The following RNF213 variants were observed in gnomAD, a reference collection of about 807,000 sequenced individuals.
RNF213 encodes E3 ubiquitin-protein ligase RNF213.
In RNF213, 341 loss-of-function variants were observed where a neutral mutation model predicts 514.4. That is an observed-to-expected ratio of 0.66 (90% CI 0.61 to 0.73). The LOEUF (loss-of-function observed/expected upper bound fraction) is 0.73, where lower values mean the gene tolerates loss of function less well. RNF213 is among the 30% of genes least tolerant of loss of function. The pLI, the probability that RNF213 is intolerant of heterozygous loss-of-function variation, is 0.00. For synonymous variants in RNF213, 2,655 were observed against 2,658.2 expected, an observed-to-expected ratio of 1.00 and a Z score of 0.04; for missense variants, 5,767 against 6,615.6, an observed-to-expected ratio of 0.87 and a Z score of 4.45.
intron 14 of RNF213, among the ~76,000 whole-genome samples, chr17:80,311,508 C>T (rs529978646): frequency 6.6e-6 from 1 of 152,238 alleles, no homozygotes; most frequent in Non-Finnish European, 1.5e-5. Flanking sequence ...GTGCTGTGCT[C>T]TAGTCACTCC....
chr17:80,390,513 C>T (rs1445869886), intron 67 of RNF213, among the ~76,000 whole-genome samples: 2 of 152,106 alleles, frequency 1.3e-5, no homozygotes, highest in African/African-American at 4.8e-5. Context: ...TCTCATGCCT[C>T]AGCTTCCCAA....
rs779119141 is a variant in RNF213, at chr17:80,346,331, C to G, written c.7996C>G (p.Leu2666Val). 6.2e-7 allele frequency: 1 copy of G among 1,613,942 alleles called. No homozygotes were observed. Among genetic ancestry groups the G allele is most frequent in the South Asian group, 1.1e-5 (1 of 91,076 alleles). The part of the protein sequence containing the change: ...AMLLAQLNAF[L>V]SKSSVSKNHT... ...GCTCTTAGCGCAGCTGAATGCCTTT[C>G]TCTCCAAGTCCAGCGTCAGCAAAAA... Residue 2666 changes from leucine to valine, a missense_variant, in exon 29 of 68, where the codon CTC becomes GTC. By Grantham distance (32) the Leu-to-Val change is conservative. Transcript: ENST00000582970. The surrounding 1 kb of genome is among the most constrained non-coding windows in gnomAD (Gnocchi z 8.1).
chr17:80,349,728 C>T, intron 29 of RNF213, 42 bp from the exon 30 acceptor site: 1 of 1,611,532 alleles, frequency 6.2e-7, no homozygotes, highest in Non-Finnish European at 8.5e-7. Flanking sequence ...TGCAACCTTT[C>T]CTTGAAGTCT....
intron 44 of RNF213, among the ~76,000 whole-genome samples, chr17:80,369,036 T>C (rs1480486319): frequency 6.6e-6 from 1 of 152,166 alleles, no homozygotes; most frequent in African/African-American, 2.4e-5. Context: ...TGCATGTAAA[T>C]ATCATCTGCT....
intron 25 of RNF213, 21 bp from the exon 26 acceptor site, chr17:80,339,180 C>A: frequency 6.9e-7 from 1 of 1,459,322 alleles, no homozygotes; most frequent in Non-Finnish European, 9.0e-7. Context: ...GTGAGCCAAC[C>A]TCATGGTTCT....
intron 29 of RNF213, among the ~76,000 whole-genome samples, chr17:80,348,494 G>T (rs545101521): frequency 4.1e-4 from 63 of 152,354 alleles, no homozygotes; most frequent in African/African-American, 1.4e-3. Context: ...GCACCATGCT[G>T]GTAACAGCAC....
rs1243318092 is a variant in RNF213, at chr17:80,307,119, C to G, written c.2428-9C>G. On this transcript the variant is annotated splice_polypyrimidine_tract_variant and intron_variant, in intron 12 of 67. Coordinates refer to ENST00000582970, the MANE Select transcript of RNF213 (RefSeq NM_001256071.3). ...TTTTGTCCTGTTTTTCTTTTTTTCT[C>G]TGCCTTAGGATGTTCAGGATGTTCA... The G allele has an allele frequency of 6.2e-7, 1 of 1,613,258 alleles. No homozygotes were observed. The highest frequency in any genetic ancestry group is 8.5e-7 in the Non-Finnish European group (1 of 1,179,676).
chr17:80,280,589 G>T (rs564999544), intron 3 of RNF213, among the ~76,000 whole-genome samples: 33 of 152,188 alleles, frequency 2.2e-4, no homozygotes, highest in African/African-American at 7.7e-4. Flanking sequence ...GAGTAGCTGG[G>T]ACTACAGGCG....
intron 11 of RNF213, among the ~76,000 whole-genome samples, chr17:80,304,589 G>T (rs180815319): frequency 7.3e-5 from 11 of 151,160 alleles, no homozygotes; most frequent in Non-Finnish European, 4.4e-5. Flanking sequence ...GCAGTGAGCC[G>T]AGATCACACC....
chr17:80,293,650 C>T (rs150994446), intron 8 of RNF213, among the ~76,000 whole-genome samples: 158 of 151,804 alleles, frequency 1.0e-3, no homozygotes, highest in Non-Finnish European at 1.9e-3. Context: ...GGTGAAACCC[C>T]GTCTCTACTA....
chr17:80,367,899 G>A (rs2079344632), intron 43 of RNF213, 51 bp downstream of exon 43: 1 of 1,613,598 alleles, frequency 6.2e-7, no homozygotes, highest in Non-Finnish European at 8.5e-7. Context: ...AACCTCTCGT[G>A]GTTTTCACTT....
chr17:80,275,227 C>T (rs542128731), intron 3 of RNF213, among the ~76,000 whole-genome samples: 1 of 150,992 alleles, frequency 6.6e-6, no homozygotes, highest in East Asian at 1.9e-4. Flanking sequence ...TTGTGTCATT[C>T]CCTTGGAGAA....
At position 80,337,707 on chromosome 17, in the gene RNF213, C is replaced by T. The variant is rs2078028003; in HGVS notation, c.4649C>T (p.Ala1550Val). The T allele has an allele frequency of 1.3e-6, 2 of 1,537,286 alleles. No individual in the cohort carries two copies. The highest frequency in any genetic ancestry group is 2.4e-5 in the East Asian group (1 of 40,914). Residue 1550 changes from alanine to valine, a missense_variant, in exon 24 of 68, where the codon GCG (alanine) becomes GTG (valine). Coordinates refer to ENST00000582970, the MANE Select transcript of RNF213 (RefSeq NM_001256071.3). ...CAAAGAGGCATCTATGTGATCCAGG[C>T]GCCCAAAGGTGGCCAAAAGGTGAGC... is the stretch of plus-strand genomic sequence containing the variant. Reference protein sequence around the residue: ...INQRGIYVIQAPKGGQKISPD... With the variant: ...INQRGIYVIQVPKGGQKISPD...
chr17:80,326,763 T>C (rs985500030), intron 18 of RNF213, among the ~76,000 whole-genome samples: 1 of 152,242 alleles, frequency 6.6e-6, no homozygotes, highest in Non-Finnish European at 1.5e-5. Flanking sequence ...AATAATATTC[T>C]ATTGTATGGA....
At chr17:80,328,115 T>G in intron 19 of RNF213, 126 bp downstream of exon 19, 1 of 1,225,474 alleles carries the variant, frequency 8.2e-7, no homozygotes, top group Non-Finnish European at 1.1e-6. Flanking sequence ...GAGTATCTCT[T>G]CTTGCTCATA....
rs145673558 is a variant in RNF213 at position 80,264,736 on chromosome 17, A to G, written c.97+958A>G. Among the ~76,000 whole-genome samples the G allele has an allele frequency of 6.6e-6, 1 of 152,092 alleles. No homozygotes were observed. The highest frequency in any genetic ancestry group is 2.4e-5 in the African/African-American group (1 of 41,496). On this transcript the variant is annotated intron_variant, in intron 2 of 67. Transcript: ENST00000582970. This position sits in a 1 kb window ranked among gnomAD's most constrained non-coding sequence, Gnocchi z 5.0. ...CAGTCAAACCACAGACCCCCTTACA[A>G]GATCCGCCCCTGCCCCCGCTGTAAC...
intron 60 of RNF213, 144 bp from the exon 61 acceptor site, chr17:80,385,394 C>G (rs1179975999): frequency 2.0e-5 from 18 of 889,180 alleles, no homozygotes; most frequent in Non-Finnish European, 3.1e-5. Context: ...AAACTCGGCT[C>G]ACTCCTTCAA....
chr17:80,319,727 A>G (rs2046074502), intron 17 of RNF213: 25 of 1,403,984 alleles, frequency 1.8e-5, no homozygotes, highest in Non-Finnish European at 2.3e-5. Flanking sequence ...TGTGAAATGG[A>G]AAATTGTATC....
chr17:80,348,428 T>A, intron 29 of RNF213, 142 bp downstream of exon 29: 1 of 1,219,272 alleles, frequency 8.2e-7, no homozygotes, highest in Non-Finnish European at 1.2e-6. Flanking sequence ...TCCTCCGCGG[T>A]AAGTGTGGGG....
Sources: gnomAD v4.1 joint callset for allele counts (sites outside exome capture counted in the v4.1 genomes callset) on GRCh38, gnomAD v4.1.1 for gene constraint, Gnocchi (gnomAD v3.1) non-coding constraint, MANE v1.5 for transcripts, NCBI Gene and HGNC (gene_info 2026-07-23, HGNC 2026-07-21) for gene names.